The following GALNT7 variants were observed in gnomAD, a reference collection of about 807,000 sequenced individuals.
GALNT7 encodes the protein polypeptide N-acetylgalactosaminyltransferase 7.
GALNT7 carries 60 observed loss-of-function variants against 82.1 expected under a neutral mutation model. That is an observed-to-expected ratio of 0.73 (90% CI 0.59 to 0.91). The LOEUF (loss-of-function observed/expected upper bound fraction) is 0.91, where lower values mean the gene tolerates loss of function less well. Ranked by LOEUF, GALNT7 falls within the 40% of genes least tolerant of loss-of-function variation. GALNT7 has a pLI of 0.00. For missense variants in GALNT7, 660 were observed against 804.2 expected, an observed-to-expected ratio of 0.82 and a Z score of 2.17; for synonymous variants, 243 against 275.1, an observed-to-expected ratio of 0.88 and a Z score of 1.15.
At chr4:173,221,986 A>G (rs1733658141) in intron 1 of GALNT7, among the ~76,000 whole-genome samples, 1 of 152,212 alleles carries the variant, frequency 6.6e-6, no homozygotes, top group Non-Finnish European at 1.5e-5. Flanking sequence ...ACAAAATACA[A>G]GCCCGAATTC....
intron 1 of GALNT7, among the ~76,000 whole-genome samples, chr4:173,194,683 A>G (rs1352283607): frequency 6.6e-6 from 1 of 152,130 alleles, no homozygotes; most frequent in Non-Finnish European, 1.5e-5. Flanking sequence ...GTACATGTGC[A>G]CAACGTGCAG....
chr4:173,181,243 G>A (rs1267689469), intron 1 of GALNT7, among the ~76,000 whole-genome samples: 7 of 152,220 alleles, frequency 4.6e-5, no homozygotes, highest in African/African-American at 1.7e-4. Context: ...GAACATTTAA[G>A]CAGAAGATTG....
rs1450138383 is a variant in GALNT7, at chr4:173,300,823, A to G, written c.1149-1224A>G. Among the ~76,000 whole-genome samples, 34 of 152,138 alleles carry G rather than the reference A, an allele frequency of 2.2e-4. 1 individual carries two copies. The highest frequency in any genetic ancestry group is 2.2e-3 in the Admixed American group (33 of 15,278). ...GGCTGGTGGCAGTGAAGTTGGAAAT[A>G]AGTCAGCAGATTCAAGATGTATTTT... On this transcript the variant is annotated intron_variant, in intron 6 of 11. Coordinates refer to ENST00000265000, the MANE Select transcript of GALNT7 (RefSeq NM_017423.3).
intron 1 of GALNT7, among the ~76,000 whole-genome samples, chr4:173,184,867 G>A (rs1175058619): frequency 6.6e-6 from 1 of 152,102 alleles, no homozygotes; most frequent in Non-Finnish European, 1.5e-5. Flanking sequence ...CTGTCTATGA[G>A]CATTGGGCCA....
intron 1 of GALNT7, 135 bp downstream of exon 1, chr4:173,169,096 G>C (rs1364138680): frequency 1.3e-6 from 1 of 759,266 alleles, no homozygotes; most frequent in East Asian, 3.5e-5. Flanking sequence ...TGCTGGCGCA[G>C]CGCGGGCCGA....
intron 3 of GALNT7, among the ~76,000 whole-genome samples, chr4:173,295,154 G>A (rs56254589): frequency 1.4e-3 from 213 of 152,228 alleles, no homozygotes; most frequent in Non-Finnish European, 2.7e-3. Context: ...CTGTCAATTC[G>A]AATAATCATT....
At chr4:173,259,274 CTT>C (rs976986171) in intron 2 of GALNT7, among the ~76,000 whole-genome samples, 4 of 152,300 alleles carry the variant, frequency 2.6e-5, no homozygotes, top group African/African-American at 9.6e-5. Context: ...GATAGGAAGA[CTT>C]TGTCCTAAGA....
intron 2 of GALNT7, among the ~76,000 whole-genome samples, chr4:173,291,810 A>G (rs995118954): frequency 2.2e-4 from 33 of 151,106 alleles, no homozygotes; most frequent in Non-Finnish European, 3.4e-4. Context: ...AAAAAAAAAA[A>G]GCCAACCACC....
intron 2 of GALNT7, among the ~76,000 whole-genome samples, chr4:173,270,539 T>C (rs2126787614): frequency 6.6e-6 from 1 of 152,362 alleles, no homozygotes; most frequent in South Asian, 2.1e-4. Flanking sequence ...AAGCTAATCT[T>C]GGACGCCTAT....
At chr4:173,243,901 T>C (rs1446084160) in intron 1 of GALNT7, among the ~76,000 whole-genome samples, 1 of 152,122 alleles carries the variant, frequency 6.6e-6, no homozygotes, top group Admixed American at 6.5e-5. Context: ...CTTTTCGGAG[T>C]CTATCTTACC....
At chr4:173,300,623 C>A (rs569333151) in intron 6 of GALNT7, among the ~76,000 whole-genome samples, 1 of 151,678 alleles carries the variant, frequency 6.6e-6, no homozygotes, top group Non-Finnish European at 1.5e-5. Context: ...AAGGACTCAA[C>A]GGGAAGAGAG....
chr4:173,289,080 G>A (rs576501610), intron 2 of GALNT7, among the ~76,000 whole-genome samples: 43 of 152,200 alleles, frequency 2.8e-4, no homozygotes, highest in African/African-American at 9.9e-4. Flanking sequence ...GACGGCTGTC[G>A]GGGACTGGAG....
chr4:173,209,693 C>A (rs1733209101), intron 1 of GALNT7, among the ~76,000 whole-genome samples: 2 of 152,178 alleles, frequency 1.3e-5, no homozygotes, highest in Non-Finnish European at 2.9e-5. Flanking sequence ...GTGTAGATGG[C>A]CTTCAGGCCA....
chr4:173,174,309 T>A (rs1303546633), intron 1 of GALNT7, among the ~76,000 whole-genome samples: 4 of 152,352 alleles, frequency 2.6e-5, no homozygotes, highest in Admixed American at 1.3e-4. Flanking sequence ...TCCTAAAGTG[T>A]CCTCTAAACC....
chr4:173,308,772 G>A (rs151203781), intron 8 of GALNT7, among the ~76,000 whole-genome samples: 3,035 of 152,216 alleles, frequency 0.02, 98 homozygotes, highest in African/African-American at 0.067. Flanking sequence ...GTGTGGTGGT[G>A]GGCACCTGCA....
chr4:173,306,421 G>C (rs1737158698), intron 8 of GALNT7, among the ~76,000 whole-genome samples: 1 of 152,208 alleles, frequency 6.6e-6, no homozygotes, highest in Admixed American at 6.5e-5. Flanking sequence ...GAAGTGGGGA[G>C]AGTGGGCATC....
chr4:173,266,868 GGT>G (rs71596614), intron 2 of GALNT7, among the ~76,000 whole-genome samples: 13,975 of 94,812 alleles, frequency 0.15, 903 homozygotes, highest in Middle Eastern at 0.19. Context: ...GGCTGGGAAG[GGT>G]GTGTGTGTGT....
At chr4:173,173,632 T>C (rs543803747) in intron 1 of GALNT7, among the ~76,000 whole-genome samples, 91 of 152,314 alleles carry the variant, frequency 6.0e-4, no homozygotes, top group African/African-American at 1.9e-3. Context: ...CCGGATCCCT[T>C]GCATGCAGTT....
At position 173,248,105 on chromosome 4, in the gene GALNT7, T is replaced by C. The variant is rs1354995086; in HGVS notation, c.252T>C (p.Ser84=). ...AAGGAGTAGAAGTGGACTTAGAGTC[T>C]ATTAGAAGAATAAACAAGGCCAAAA... ...HVEGVEVDLE[S]IRRINKAKNE... is the part of the protein sequence containing the mutation. The change falls in exon 2 of 12, where the codon TCT becomes TCC. Residue 84 remains serine (S), a synonymous_variant. Transcript: ENST00000265000. 4 of 1,613,600 alleles carry C rather than the reference T, an allele frequency of 2.5e-6. No homozygotes were observed. The highest frequency in any genetic ancestry group is 3.4e-6 in the Non-Finnish European group (4 of 1,179,740).
Sources: gnomAD v4.1 joint callset for allele counts (sites outside exome capture counted in the v4.1 genomes callset) on GRCh38, gnomAD v4.1.1 for gene constraint, MANE v1.5 for transcripts, NCBI Gene and HGNC (gene_info 2026-07-23, HGNC 2026-07-21) for gene names.